The following NFX1 variants were observed in gnomAD, a reference collection of about 807,000 sequenced individuals.
NFX1 encodes transcriptional repressor NF-X1.
NFX1 carries 69 observed loss-of-function variants against 137.2 expected under a neutral mutation model. The observed-to-expected ratio is 0.50, with a 90% CI of 0.41 to 0.61. NFX1 has a LOEUF of 0.61. Among genes scored for constraint, NFX1 ranks in the 20% least tolerant of loss-of-function variants. NFX1 has a pLI of 0.00. For missense variants in NFX1, 1,167 were observed against 1,391.0 expected, an observed-to-expected ratio of 0.84 and a Z score of 2.56; for synonymous variants, 495 against 474.1, an observed-to-expected ratio of 1.04 and a Z score of -0.57.
intron 9 of NFX1, among the ~76,000 whole-genome samples, chr9:33,327,245 G>A (rs1054097986): frequency 5.9e-5 from 9 of 152,112 alleles, no homozygotes; most frequent in East Asian, 3.9e-4. Context: ...GGCTGATCCC[G>A]AACTCCTAGG....
chr9:33,331,470 C>A (rs1822803910), intron 10 of NFX1, among the ~76,000 whole-genome samples: 1 of 152,132 alleles, frequency 6.6e-6, no homozygotes, highest in Admixed American at 6.6e-5. Context: ...TTGTAGATAA[C>A]CACTCCTGCA....
intron 9 of NFX1, among the ~76,000 whole-genome samples, chr9:33,326,967 G>A (rs1490710359): frequency 6.6e-6 from 1 of 151,050 alleles, no homozygotes; most frequent in Non-Finnish European, 1.5e-5. Flanking sequence ...AGCCCTAGAG[G>A]GACCATTAAG....
intron 4 of NFX1, 42 bp downstream of exon 4, chr9:33,303,310 C>A (rs369215940): frequency 6.6e-7 from 1 of 1,525,928 alleles, no homozygotes; most frequent in South Asian, 1.1e-5. Context: ...TTACTACATA[C>A]ATTGTACCTC....
At position 33,364,784 on chromosome 9, in the gene NFX1, G is replaced by GA; in HGVS notation, c.3039+13dup. ...GGAGGCCGTGAATAAGGTTGAAGTC[G>GA]AAACATCCCACTGGACATTTCTCTA... On this transcript the variant is annotated intron_variant, in intron 21 of 23. Coordinates refer to ENST00000379540, the MANE Select transcript of NFX1 (RefSeq NM_002504.6). The GA allele has an allele frequency of 6.2e-7, 1 of 1,612,530 alleles. No individual in the cohort carries two copies. The highest frequency in any genetic ancestry group is 8.5e-7 in the Non-Finnish European group (1 of 1,179,600).
At position 33,340,166 on chromosome 9, in the gene NFX1, G is replaced by C. The variant is rs201330782; in HGVS notation, c.2115+1577G>C. Among the ~76,000 whole-genome samples, 9 of 152,346 alleles carry C rather than the reference G, an allele frequency of 5.9e-5. No individual in the cohort carries two copies. The East Asian group carries it at 1.7e-3, about 29-fold the overall frequency. ...TACTGCCCTAGCAGAGGTTCTCCAT[G>C]AGAGCCCCACCCCTGCAGCAAACTT... On this transcript the variant is annotated intron_variant, in intron 12 of 23. Coordinates refer to ENST00000379540, the MANE Select transcript of NFX1 (RefSeq NM_002504.6).
At chr9:33,369,007 TC>T (rs1300664935) in intron 23 of NFX1, among the ~76,000 whole-genome samples, 2 of 152,206 alleles carry the variant, frequency 1.3e-5, no homozygotes, top group East Asian at 1.9e-4. Flanking sequence ...TCGGGTCCAG[TC>T]CTGCTTAGAC....
At chr9:33,293,334 A>C (rs992506300) in intron 1 of NFX1, among the ~76,000 whole-genome samples, 10 of 152,142 alleles carry the variant, frequency 6.6e-5, no homozygotes, top group African/African-American at 2.2e-4. Flanking sequence ...TAAACCTGAA[A>C]CCCTCAGGCT....
At chr9:33,317,630 C>T (rs142978308) in intron 7 of NFX1, among the ~76,000 whole-genome samples, 87 of 151,014 alleles carry the variant, frequency 5.8e-4, no homozygotes, top group African/African-American at 2.0e-3. Flanking sequence ...CACCACTGTA[C>T]TCCAGCTGGG....
chr9:33,360,147 A>C (rs1253799104), intron 19 of NFX1, among the ~76,000 whole-genome samples: 1 of 152,204 alleles, frequency 6.6e-6, no homozygotes, highest in African/African-American at 2.4e-5. Flanking sequence ...GCTATAGTGA[A>C]TACACAGAAG....
intron 4 of NFX1, 46 bp downstream of exon 4, chr9:33,303,314 G>A (rs750935554): frequency 4.1e-5 from 62 of 1,523,044 alleles, no homozygotes; most frequent in Non-Finnish European, 5.1e-5. Flanking sequence ...TACATACATT[G>A]TACCTCAGTT....
chr9:33,301,229 G>A lies in NFX1; in HGVS notation c.1034-34G>A, dbSNP rs200728891. On this transcript the variant is annotated intron_variant, in intron 2 of 23. Coordinates refer to ENST00000379540, the MANE Select transcript of NFX1 (RefSeq NM_002504.6). ...GTGAGGAATGGTTTTTTGTGTTTGA[G>A]TTAATCTTTTTTGTTATTTTGTTTT... is the stretch of plus-strand genomic sequence containing the variant. The A allele has an allele frequency of 1.3e-5, 20 of 1,593,878 alleles. No individual in the cohort carries two copies. The East Asian group carries it at 4.0e-4, about 32-fold the overall frequency.
rs1339190819 is a variant in NFX1 at position 33,352,715 on chromosome 9, C to A, written c.2725C>A (p.Gln909Lys). ...VICSEASSTY[Q>K]RIAAISMASK... ...TTGCTCTGAAGCATCTAGTACTTAT[C>A]AAAGGTTAGTGTTACTTAAATGTTA... The change falls in exon 17 of 24, where the codon CAA becomes AAA. Residue 909 changes from glutamine to lysine, a missense_variant. Coordinates refer to ENST00000379540, the MANE Select transcript of NFX1 (RefSeq NM_002504.6). The A allele has an allele frequency of 6.2e-7, 1 of 1,613,120 alleles. No individual in the cohort carries two copies. Among genetic ancestry groups the A allele is most frequent in the Admixed American group, 1.7e-5 (1 of 60,022 alleles).
chr9:33,354,299 A>C, intron 18 of NFX1, 112 bp downstream of exon 18: 1 of 828,840 alleles, frequency 1.2e-6, no homozygotes, highest in Non-Finnish European at 1.9e-6. Context: ...CATACACAAT[A>C]AGTATTCAAT....
chr9:33,312,426 C>G (rs972269695), intron 6 of NFX1, among the ~76,000 whole-genome samples: 1 of 152,212 alleles, frequency 6.6e-6, no homozygotes, highest in African/African-American at 2.4e-5. Context: ...GTACTGCAAG[C>G]TGATCATTTA....
intron 12 of NFX1, among the ~76,000 whole-genome samples, chr9:33,342,521 A>T (rs1006562684): frequency 1.3e-5 from 2 of 152,240 alleles, no homozygotes; most frequent in African/African-American, 4.8e-5. Context: ...TAGTATAGAG[A>T]GTCCCATATA....
intron 10 of NFX1, among the ~76,000 whole-genome samples, chr9:33,332,174 C>T (rs1273871584): frequency 1.3e-5 from 2 of 152,106 alleles, no homozygotes; most frequent in Non-Finnish European, 1.5e-5. Flanking sequence ...TTTAGCAGCC[C>T]TCTTTCTATT....
chr9:33,368,469 G>A (rs191609181), intron 23 of NFX1, among the ~76,000 whole-genome samples: 1 of 152,274 alleles, frequency 6.6e-6, no homozygotes, highest in East Asian at 1.9e-4. Context: ...TGAGAGTTGG[G>A]TGACTGTTGG....
In NFX1 at chr9:33,366,429, A is replaced by G. The variant is rs553557310; in HGVS notation, c.3040-200A>G. On this transcript the variant is annotated intron_variant, in intron 21 of 23. Transcript: ENST00000379540. ...TCCAGCTGCGACTGTTGTGGCTCAC[A>G]GAGTAGGTGAAAGAAGTGCATCAGT... is the stretch of plus-strand genomic sequence containing the variant. Among the ~76,000 whole-genome samples the G allele has an allele frequency of 2.0e-4, 31 of 152,270 alleles. No individual in the cohort carries two copies. In the East Asian group the frequency reaches 5.6e-3, roughly 27 times the overall value.
chr9:33,351,709 C>T lies in NFX1; in HGVS notation c.2574C>T (p.Thr858=). 6.2e-7 allele frequency: 1 copy of T among 1,613,974 alleles called. No homozygotes were observed. ...AGCCCTGCAAGCAGCCCTGCACCAC[C>T]CCCAGAGCTGACTGTGGTCACCCGT... ...VDEPCKQPCT[T]PRADCGHPCM... Residue 858 remains threonine, a synonymous_variant, in exon 16 of 24, where the codon ACC becomes ACT. Transcript: ENST00000379540.
Sources: gnomAD v4.1 joint callset for allele counts (sites outside exome capture counted in the v4.1 genomes callset) on GRCh38, gnomAD v4.1.1 for gene constraint, MANE v1.5 for transcripts, NCBI Gene and HGNC (gene_info 2026-07-23, HGNC 2026-07-21) for gene names.